AFG3L2: variants seen among roughly 807,000 people sequenced by gnomAD.
AFG3L2 encodes the protein AFG3 like matrix AAA peptidase subunit 2.
A neutral mutation model predicts 94.5 loss-of-function variants in AFG3L2; 54 were observed. The observed-to-expected ratio is 0.57, with a 90% CI of 0.46 to 0.72. AFG3L2 has a LOEUF of 0.72. AFG3L2 is among the 30% of genes least tolerant of loss of function. AFG3L2 has a pLI of 0.00. For missense variants in AFG3L2, 754 were observed against 994.9 expected, an observed-to-expected ratio of 0.76 and a Z score of 3.26; for synonymous variants, 377 against 365.5, an observed-to-expected ratio of 1.03 and a Z score of -0.36.
intron 1 of AFG3L2, among the ~76,000 whole-genome samples, chr18:12,376,413 C>T (rs1909157802): frequency 6.6e-6 from 1 of 152,216 alleles, no homozygotes; most frequent in Non-Finnish European, 1.5e-5. Context: ...AGAGAAAGAG[C>T]CTCCTGCTGA....
chr18:12,376,918 A>G, intron 1 of AFG3L2, 51 bp downstream of exon 1: 1 of 1,315,622 alleles, frequency 7.6e-7, no homozygotes, highest in Non-Finnish European at 9.9e-7. Context: ...CCCGAGCCGG[A>G]AGTGGGCCCG....
chr18:12,351,970 T>C (rs1908332317), intron 10 of AFG3L2, among the ~76,000 whole-genome samples: 1 of 152,244 alleles, frequency 6.6e-6, no homozygotes, highest in South Asian at 2.1e-4. Context: ...AATGACCAAA[T>C]ATTTAAATTT....
intron 14 of AFG3L2, chr18:12,341,427 G>A (rs1438632215): frequency 6.6e-6 from 1 of 151,992 alleles, no homozygotes; most frequent in Non-Finnish European, 1.5e-5. Context: ...CACTGGTAGG[G>A]AGTCTTTCCC....
At chr18:12,338,962 A>G (rs991369118) in intron 15 of AFG3L2, among the ~76,000 whole-genome samples, 2 of 152,176 alleles carry the variant, frequency 1.3e-5, no homozygotes, top group African/African-American at 4.8e-5. Context: ...TACTAAAAAA[A>G]GGTTTCTCGG....
Position 12,356,564 on chromosome 18 carries a change from C to G in AFG3L2, c.1164+130G>C, listed in dbSNP as rs549774790. 97 of 1,339,910 alleles carry G rather than the reference C, an allele frequency of 7.2e-5. No individual in the cohort carries two copies. In the African/African-American group the frequency reaches 1.1e-3, roughly 16 times the overall value. The allele number at this position is 1,339,910 out of a possible 1,614,324, so 83.0% of individuals were successfully genotyped here. On this transcript the variant is annotated intron_variant, in intron 9 of 16. Transcript: ENST00000269143. ...CTGAAGTCTTAGGCCTGGAGGAGAG[C>G]TCAGGCCAGGGACTGGTGAGAGGTC...
Position 12,354,140 on chromosome 18 carries a change from C to A in AFG3L2, c.1165-982G>T, listed in dbSNP as rs995078533. ...TCCACCTGCCCACTCCCACCCCCCC[C>A]CCCCCACTTCACTGGACAGAAGTCC... On this transcript the variant is annotated intron_variant, in intron 9 of 16. Transcript: ENST00000269143. Among the ~76,000 whole-genome samples, 31 of 136,706 alleles carry A rather than the reference C, an allele frequency of 2.3e-4. 2 individuals carry two copies. The highest frequency in any genetic ancestry group is 3.6e-4 in the Admixed American group (5 of 13,980). The allele number at this position is 136,706 out of a possible 152,430, so 89.7% of individuals were successfully genotyped here. A position where few individuals can be genotyped will look rare whatever the true frequency, so the allele number is the denominator to read the frequency against.
intron 16 of AFG3L2, among the ~76,000 whole-genome samples, chr18:12,333,056 G>A (rs62636870): frequency 1.1e-4 from 1 of 8,844 alleles, no homozygotes; most frequent in African/African-American, 1.5e-4. Context: ...TTATATAATA[G>A]ATTATAATCT....
chr18:12,333,174 GATAAT>G (rs1907627331), intron 16 of AFG3L2, among the ~76,000 whole-genome samples: 1 of 100,686 alleles, frequency 9.9e-6, no homozygotes, highest in Non-Finnish European at 1.9e-5. Flanking sequence ...TATAATAATA[GATAAT>G]ATAATAAATA....
At chr18:12,366,122 C>T (rs1247999437) in intron 5 of AFG3L2, among the ~76,000 whole-genome samples, 3 of 152,050 alleles carry the variant, frequency 2.0e-5, no homozygotes, top group Non-Finnish European at 4.4e-5. Context: ...GTGATTCACC[C>T]GCCTCGGCCT....
intron 16 of AFG3L2, among the ~76,000 whole-genome samples, chr18:12,336,382 C>G (rs540136136): frequency 1.7e-4 from 26 of 152,354 alleles, no homozygotes; most frequent in African/African-American, 6.3e-4. Context: ...TGTGGCCCCA[C>G]TCAGAAACTG....
intron 6 of AFG3L2, among the ~76,000 whole-genome samples, 172 bp downstream of exon 6, chr18:12,363,610 A>G (rs1908723314): frequency 1.3e-5 from 2 of 152,200 alleles, no homozygotes; most frequent in Non-Finnish European, 2.9e-5. Context: ...AATAATCCAT[A>G]CACAACATTC....
intron 9 of AFG3L2, among the ~76,000 whole-genome samples, chr18:12,355,517 T>C (rs943430832): frequency 6.6e-6 from 1 of 152,156 alleles, no homozygotes; most frequent in Non-Finnish European, 1.5e-5. Context: ...AGTCTGGTGG[T>C]TCCTTAAAAT....
chr18:12,354,876 T>C (rs1908440874), intron 9 of AFG3L2, among the ~76,000 whole-genome samples: 1 of 151,632 alleles, frequency 6.6e-6, no homozygotes. Flanking sequence ...TCATTCCCTA[T>C]TTTTCTATGA....
intron 16 of AFG3L2, among the ~76,000 whole-genome samples, chr18:12,330,062 C>T (rs1044232868): frequency 9.9e-5 from 15 of 152,240 alleles, no homozygotes; most frequent in African/African-American, 2.9e-4. Context: ...TGGCCGGGCG[C>T]GGTAGCTCGC....
At chr18:12,329,828 T>G (rs910336231) in intron 16 of AFG3L2, 45 bp from the exon 17 acceptor site, 1 of 1,524,336 alleles carries the variant, frequency 6.6e-7, no homozygotes, top group African/African-American at 1.4e-5. Context: ...CTCAGCAAAG[T>G]CTATTCAGAA....
chr18:12,375,034 C>G (rs1231374710), intron 1 of AFG3L2, among the ~76,000 whole-genome samples: 6 of 140,520 alleles, frequency 4.3e-5, no homozygotes. Context: ...CCAGTCTGGG[C>G]GACAGAGCGA....
intron 1 of AFG3L2, among the ~76,000 whole-genome samples, chr18:12,373,682 T>C (rs1480949589): frequency 6.6e-6 from 1 of 152,004 alleles, no homozygotes; most frequent in Non-Finnish European, 1.5e-5. Flanking sequence ...ATGGTGAGGG[T>C]CACATGCTAG....
At chr18:12,360,314 GA>G (rs1181026971) in intron 6 of AFG3L2, 1 of 417,984 alleles carries the variant, frequency 2.4e-6, no homozygotes, top group Non-Finnish European at 4.2e-6. Context: ...AAAACAGAAT[GA>G]AAAACCTATT....
chr18:12,372,311 T>A (rs1568147588), intron 1 of AFG3L2, among the ~76,000 whole-genome samples: 1 of 151,962 alleles, frequency 6.6e-6, no homozygotes, highest in Admixed American at 6.6e-5. Flanking sequence ...CTCAAAAAAA[T>A]AAAAATAAAA....
Sources: gnomAD v4.1 joint callset for allele counts (sites outside exome capture counted in the v4.1 genomes callset) on GRCh38, gnomAD v4.1.1 for gene constraint, MANE v1.5 for transcripts, NCBI Gene and HGNC (gene_info 2026-07-23, HGNC 2026-07-21) for gene names.